Variants in CSMD1 observed in about 807,000 individuals in gnomAD.
CSMD1 encodes CUB and Sushi multiple domains 1.
Under a neutral mutation model 417.5 loss-of-function variants are expected in CSMD1, and 213 were observed. That is an observed-to-expected ratio of 0.51 (90% confidence interval 0.46 to 0.57). The LOEUF (loss-of-function observed/expected upper bound fraction) is 0.57, where lower values mean the gene tolerates loss of function less well. CSMD1 is among the 20% of genes least tolerant of loss of function. The pLI is 0.00. For missense variants in CSMD1, 6,923 were observed against 4,529.7 expected (o/e 1.53, Z -15.17); for synonymous variants, 2,862 against 1,736.8 (o/e 1.65, Z -16.11).
At chr8:3,695,542 T>TA (rs1486543059) in intron 7 of CSMD1, among the ~76,000 whole-genome samples, 2 of 152,204 alleles carry the variant, frequency 1.3e-5, no homozygotes, top group Non-Finnish European at 2.9e-5. Flanking sequence ...TAATATTTGC[T>TA]AATTGCTTTC....
chr8:3,058,871 C>T (rs536495060), intron 49 of CSMD1, among the ~76,000 whole-genome samples: 2 of 152,172 alleles, frequency 1.3e-5, no homozygotes, highest in Non-Finnish European at 2.9e-5. Context: ...GCCTCAAGTA[C>T]CCTGCAGGGA....
intron 5 of CSMD1, among the ~76,000 whole-genome samples, chr8:3,969,568 G>C (rs752023645): frequency 6.6e-6 from 1 of 152,082 alleles, no homozygotes; most frequent in African/African-American, 2.4e-5. Context: ...CAGAAAATAG[G>C]TGACGGCATA....
intron 2 of CSMD1, among the ~76,000 whole-genome samples, chr8:4,503,696 A>G (rs1333074031): frequency 2.0e-5 from 3 of 152,146 alleles, no homozygotes; most frequent in African/African-American, 7.2e-5. Context: ...GGACTCGTCT[A>G]ATGAACAAGT....
In CSMD1 at chr8:3,859,278, T is replaced by G. The variant is rs112474732; in HGVS notation, c.819-105236A>C. 8.4e-3 allele frequency among the ~76,000 whole-genome samples: 1,282 copies of G among 152,352 alleles called. 14 individuals are homozygous for G. The highest frequency in any genetic ancestry group is 0.028 in the African/African-American group (1,181 of 41,580). On this transcript the variant is annotated intron_variant, in intron 5 of 69. Coordinates refer to ENST00000635120, the MANE Select transcript of CSMD1 (RefSeq NM_033225.6). ...CCCACTCACTGGTGAGTCTTTCTAG[T>G]TTTCCTTCAACACCTATCCATGGCA...
At chr8:4,476,900 G>C (rs1026681165) in intron 2 of CSMD1, among the ~76,000 whole-genome samples, 6 of 152,190 alleles carry the variant, frequency 3.9e-5, no homozygotes, top group Admixed American at 3.9e-4. Context: ...AAAAATCCCA[G>C]GGAATCAAGG....
intron 4 of CSMD1, among the ~76,000 whole-genome samples, chr8:4,027,528 T>G (rs1002449717): frequency 6.6e-6 from 1 of 152,272 alleles, no homozygotes; most frequent in South Asian, 2.1e-4. Flanking sequence ...TCTGTACTTC[T>G]CGCTCCTGCT....
intron 4 of CSMD1, among the ~76,000 whole-genome samples, chr8:4,022,519 T>G (rs1796840537): frequency 6.6e-6 from 1 of 152,078 alleles, no homozygotes; most frequent in Non-Finnish European, 1.5e-5. Context: ...TAGAAAGCAT[T>G]TGAGGTGAAA....
At chr8:3,804,280 C>T (rs1027937696) in intron 5 of CSMD1, among the ~76,000 whole-genome samples, 2 of 152,032 alleles carry the variant, frequency 1.3e-5, no homozygotes. Context: ...CTTGCAGGTG[C>T]AGAATACTAA....
intron 1 of CSMD1, among the ~76,000 whole-genome samples, chr8:4,788,807 G>T (rs972604121): frequency 6.6e-6 from 1 of 152,118 alleles, no homozygotes; most frequent in Non-Finnish European, 1.5e-5. Context: ...CATGACATCT[G>T]CTTTTGAAAC....
intron 10 of CSMD1, among the ~76,000 whole-genome samples, chr8:3,509,889 T>C (rs1340126781): frequency 1.3e-5 from 2 of 152,122 alleles, no homozygotes; most frequent in Non-Finnish European, 2.9e-5. Context: ...AAAGGGGAAC[T>C]CATGCCCCAG....
At chr8:4,717,088 C>G (rs78910727) in intron 1 of CSMD1, among the ~76,000 whole-genome samples, 2,560 of 151,890 alleles carry the variant, frequency 0.017, 71 homozygotes, top group African/African-American at 0.058. Flanking sequence ...TCTTCCCTCT[C>G]TGCCCCGAGA....
intron 49 of CSMD1, among the ~76,000 whole-genome samples, chr8:3,086,425 T>C (rs74604580): frequency 0.23 from 35,061 of 151,944 alleles, 4,348 homozygotes; most frequent in East Asian, 0.32. Flanking sequence ...AAATCTAATA[T>C]CTAATGAAAC....
intron 2 of CSMD1, among the ~76,000 whole-genome samples, chr8:4,612,507 G>A (rs1256884584): frequency 1.3e-5 from 2 of 152,164 alleles, no homozygotes; most frequent in Non-Finnish European, 2.9e-5. Context: ...CAGGCAAATT[G>A]TGGCCTCCAA....
At chr8:3,652,230 C>G (rs574931760) in intron 7 of CSMD1, among the ~76,000 whole-genome samples, 4 of 151,688 alleles carry the variant, frequency 2.6e-5, no homozygotes, top group African/African-American at 7.3e-5. Flanking sequence ...CCATCACCAC[C>G]AGAGCGCCTA....
At chr8:4,243,592 G>A (rs1802530687) in intron 3 of CSMD1, among the ~76,000 whole-genome samples, 2 of 152,112 alleles carry the variant, frequency 1.3e-5, no homozygotes, top group African/African-American at 4.8e-5. Flanking sequence ...AAGGAGAGAT[G>A]TCTCCATGAC....
At chr8:4,450,644 T>A (rs553023006) in intron 2 of CSMD1, among the ~76,000 whole-genome samples, 419 of 151,958 alleles carry the variant, frequency 2.8e-3, no homozygotes, top group Non-Finnish European at 4.8e-3. Flanking sequence ...GAAAAAAAAA[T>A]TTGGTACTTT....
chr8:4,936,136 C>A (rs371156697), intron 1 of CSMD1, among the ~76,000 whole-genome samples: 1 of 152,166 alleles, frequency 6.6e-6, no homozygotes, highest in East Asian at 1.9e-4. Flanking sequence ...TCCTGTTCCA[C>A]ATAATCTTTC....
intron 3 of CSMD1, among the ~76,000 whole-genome samples, chr8:4,344,517 G>A (rs918428252): frequency 2.9e-4 from 44 of 151,054 alleles, no homozygotes; most frequent in African/African-American, 1.0e-3. Context: ...AAAAATGATT[G>A]TCAGAAATAT....
chr8:3,697,080 G>A (rs965481603), intron 7 of CSMD1, among the ~76,000 whole-genome samples: 3 of 152,132 alleles, frequency 2.0e-5, no homozygotes, highest in African/African-American at 7.2e-5. Flanking sequence ...CTGATGCCAT[G>A]AATAACTGCA....
Sources: allele counts gnomAD v4.1 joint callset (sites outside exome capture counted in the v4.1 genomes callset), GRCh38; gene constraint gnomAD v4.1.1; transcripts MANE v1.5; gene names NCBI Gene and HGNC (gene_info 2026-07-23, HGNC 2026-07-21).